Variants in EIF2B3 observed in about 807,000 individuals in gnomAD.
EIF2B3 encodes eukaryotic translation initiation factor 2B subunit gamma.
In EIF2B3, 20 loss-of-function variants were observed where a neutral mutation model predicts 54.1. The ratio of observed to expected loss-of-function variants is 0.37; its 90% confidence interval spans 0.26 to 0.54. The LOEUF (loss-of-function observed/expected upper bound fraction) is 0.54, where lower values mean the gene tolerates loss of function less well. Ranked by LOEUF, EIF2B3 falls within the 20% of genes least tolerant of loss-of-function variation. EIF2B3 has a pLI of 0.86. For missense variants in EIF2B3, 448 were observed against 547.8 expected, an observed-to-expected ratio of 0.82 and a Z score of 1.82; for synonymous variants, 153 against 188.1, an observed-to-expected ratio of 0.81 and a Z score of 1.52.
intron 5 of EIF2B3, among the ~76,000 whole-genome samples, chr1:44,908,823 ACTT>A (rs780689990): frequency 1.2e-4 from 18 of 152,194 alleles, no homozygotes; most frequent in African/African-American, 3.4e-4. Context: ...CTGGCCCCAA[ACTT>A]CTTCTAATGC....
At chr1:44,913,178 A>C (rs556591087) in intron 5 of EIF2B3, among the ~76,000 whole-genome samples, 3 of 151,926 alleles carry the variant, frequency 2.0e-5, no homozygotes, top group Admixed American at 6.5e-5. Context: ...ATAGCTACAA[A>C]TAAGATCATA....
chr1:44,895,313 G>A (rs1367018575), intron 6 of EIF2B3, among the ~76,000 whole-genome samples: 3 of 152,162 alleles, frequency 2.0e-5, no homozygotes, highest in African/African-American at 2.4e-5. Flanking sequence ...CACTTGCCAG[G>A]TGTGGGAATA....
At chr1:44,853,615 A>C (rs1276933946) in intron 11 of EIF2B3, among the ~76,000 whole-genome samples, 1 of 152,180 alleles carries the variant, frequency 6.6e-6, no homozygotes, top group Non-Finnish European at 1.5e-5. Context: ...TCAAAAAAAC[A>C]AAAAACTAAG....
At chr1:44,870,346 GC>G (rs1180955957) in intron 10 of EIF2B3, among the ~76,000 whole-genome samples, 1 of 151,918 alleles carries the variant, frequency 6.6e-6, no homozygotes, top group Non-Finnish European at 1.5e-5. Context: ...TACCTCTTGT[GC>G]CCTACACAGA....
chr1:44,978,268 A>G, intron 3 of EIF2B3, 47 bp downstream of exon 3: 1 of 1,605,532 alleles, frequency 6.2e-7, no homozygotes. Flanking sequence ...AACATAAGAT[A>G]TCATCTATCT....
chr1:44,862,656 C>CA (rs1227099697), intron 10 of EIF2B3, among the ~76,000 whole-genome samples: 7 of 152,302 alleles, frequency 4.6e-5, no homozygotes, highest in South Asian at 2.1e-4. Context: ...GATGGAGTCT[C>CA]ACACTGTCGC....
At chr1:44,924,391 T>G (rs1457767636) in intron 5 of EIF2B3, among the ~76,000 whole-genome samples, 1 of 151,960 alleles carries the variant, frequency 6.6e-6, no homozygotes, top group Non-Finnish European at 1.5e-5. Flanking sequence ...TTTAATCCTT[T>G]TTTTGTTTGT....
intron 5 of EIF2B3, among the ~76,000 whole-genome samples, chr1:44,899,261 C>A (rs1345157039): frequency 6.6e-6 from 1 of 152,142 alleles, no homozygotes; most frequent in Non-Finnish European, 1.5e-5. Context: ...AAACTATCAC[C>A]ACAATCCAGT....
intron 3 of EIF2B3, among the ~76,000 whole-genome samples, chr1:44,946,884 A>C (rs1644108183): frequency 6.6e-6 from 1 of 152,228 alleles, no homozygotes; most frequent in Admixed American, 6.5e-5. Flanking sequence ...GAGAGAAAGT[A>C]GAAAAACTGA....
intron 3 of EIF2B3, among the ~76,000 whole-genome samples, chr1:44,950,699 A>T (rs1356840421): frequency 2.0e-5 from 3 of 152,054 alleles, no homozygotes; most frequent in East Asian, 3.8e-4. Flanking sequence ...TTATTTATTT[A>T]TTTTTTGAGA....
chr1:44,883,133 T>C (rs1276124760), intron 6 of EIF2B3, among the ~76,000 whole-genome samples: 1 of 151,488 alleles, frequency 6.6e-6, no homozygotes, highest in African/African-American at 2.4e-5. Flanking sequence ...CTCGTCATGT[T>C]GACCATCCTG....
chr1:44,853,920 C>G (rs1654353297), intron 11 of EIF2B3, among the ~76,000 whole-genome samples: 1 of 151,740 alleles, frequency 6.6e-6, no homozygotes, highest in African/African-American at 2.4e-5. Context: ...TCACTCTGGC[C>G]ATAGGGAAGA....
intron 3 of EIF2B3, among the ~76,000 whole-genome samples, chr1:44,960,955 A>G (rs1374219144): frequency 6.6e-6 from 1 of 152,076 alleles, no homozygotes; most frequent in Non-Finnish European, 1.5e-5. Context: ...AAGTTTACCA[A>G]TGTGTTACTG....
intron 5 of EIF2B3, among the ~76,000 whole-genome samples, chr1:44,922,782 T>G (rs1643775289): frequency 6.6e-6 from 1 of 151,624 alleles, no homozygotes. Flanking sequence ...CCCCAGGTAA[T>G]TTATTTTATT....
chr1:44,894,444 G>T (rs1470998573), intron 6 of EIF2B3, among the ~76,000 whole-genome samples: 1 of 151,990 alleles, frequency 6.6e-6, no homozygotes, highest in East Asian at 1.9e-4. Flanking sequence ...AACTGCTTCT[G>T]TTATCTGTCA....
chr1:44,862,800 T>C (rs1251715257), intron 10 of EIF2B3, among the ~76,000 whole-genome samples: 1 of 152,152 alleles, frequency 6.6e-6, no homozygotes, highest in Admixed American at 6.6e-5. Context: ...GGTTTCATTA[T>C]GTTGACCAGG....
rs1644520000 is a variant in EIF2B3, at chr1:44,982,033, T to C, written c.-9-856A>G. Among the ~76,000 whole-genome samples the C allele has an allele frequency of 2.6e-5, 4 of 152,148 alleles. No individual in the cohort carries two copies. The South Asian group carries it at 8.3e-4, about 32-fold the overall frequency. ...CAGAAACACAAGCATGTTAGGCTTC[T>C]GAAAAGTATGAAATGACTTAAGACT... On this transcript the variant is annotated intron_variant, in intron 1 of 11. Transcript: ENST00000360403.
chr1:44,855,120 G>C (rs1364833931), intron 11 of EIF2B3, among the ~76,000 whole-genome samples: 1 of 151,884 alleles, frequency 6.6e-6, no homozygotes, highest in Non-Finnish European at 1.5e-5. Flanking sequence ...AAGTAATAGT[G>C]GAAAAAGGCA....
intron 11 of EIF2B3, among the ~76,000 whole-genome samples, chr1:44,852,112 C>A (rs1373138901): frequency 1.4e-5 from 2 of 146,058 alleles, no homozygotes; most frequent in Non-Finnish European, 3.0e-5. Context: ...CCACACATGG[C>A]TAATTTTTTT....
Sources: gnomAD v4.1 joint callset for allele counts (sites outside exome capture counted in the v4.1 genomes callset) on GRCh38, gnomAD v4.1.1 for gene constraint, MANE v1.5 for transcripts, NCBI Gene and HGNC (gene_info 2026-07-23, HGNC 2026-07-21) for gene names.